The following MYZAP variants were observed in gnomAD, a reference collection of about 807,000 sequenced individuals.
MYZAP encodes myocardial zonula adherens protein, also known as GRINL1A complex locus upstream.
In MYZAP, 66 loss-of-function variants were observed where a neutral mutation model predicts 69.4. The observed-to-expected ratio is 0.95, with a 90% CI of 0.78 to 1.17. MYZAP has a LOEUF of 1.17. Ranked by LOEUF, MYZAP falls within the 50% of genes most tolerant of loss-of-function variation. The pLI is 0.00. For synonymous variants in MYZAP, 256 were observed against 205.9 expected (o/e 1.24, Z -2.09); for missense variants, 611 against 556.2 (o/e 1.10, Z -0.99).
rs145418100 is a variant in MYZAP, at chr15:57,650,153, G to A, written c.1119+10608G>A. ...AGCTTGTTTCTCTAATAGCATTGCC[G>A]TACTGATTTTTTTCACGTCGCTTTC... On this transcript the variant is annotated intron_variant, in intron 10 of 12. Coordinates refer to ENST00000267853, the MANE Select transcript of MYZAP (RefSeq NM_001018100.5). Among the ~76,000 whole-genome samples, 65 of 152,264 alleles carry A rather than the reference G, an allele frequency of 4.3e-4. 1 individual carries two copies. The East Asian group carries it at 7.5e-3, about 18-fold the overall frequency.
chr15:57,610,823 G>C (rs755604041), intron 2 of MYZAP, among the ~76,000 whole-genome samples: 24 of 152,108 alleles, frequency 1.6e-4, no homozygotes, highest in Non-Finnish European at 2.9e-4. Context: ...AATAGTGTCT[G>C]AAAACCCACT....
At chr15:57,641,130 G>A (rs2037131965) in intron 10 of MYZAP, among the ~76,000 whole-genome samples, 1 of 152,172 alleles carries the variant, frequency 6.6e-6, no homozygotes, top group Non-Finnish European at 1.5e-5. Flanking sequence ...CCACAGGGGG[G>A]TGTCTGTGTC....
At chr15:57,599,580 G>A (rs2034283092) in intron 1 of MYZAP, 2 of 1,287,130 alleles carry the variant, frequency 1.6e-6, no homozygotes, top group South Asian at 2.5e-5. Flanking sequence ...CAGCTGCTTT[G>A]GGAACCCCTG....
At chr15:57,672,404 A>C (rs1364898198) in intron 11 of MYZAP, among the ~76,000 whole-genome samples, 1 of 152,214 alleles carries the variant, frequency 6.6e-6, no homozygotes, top group Admixed American at 6.5e-5. Context: ...CCTCATCTCC[A>C]AAACTTGCCT....
Position 57,591,913 on chromosome 15 carries a change from G to A in MYZAP, c.-122G>A, listed in dbSNP as rs1485744397. The A allele has an allele frequency of 4.0e-5, 39 of 966,802 alleles. No homozygotes were observed. Among genetic ancestry groups the A allele is most frequent in the Middle Eastern group, 8.1e-4 (2 of 2,460 alleles). The allele number at this position is 966,802 out of a possible 1,614,324, so 59.9% of individuals were successfully genotyped here. Reference sequence around the variant, plus strand: ...GGCCCCACCCCCGGGCCTTCGCGGTGCAGCTGAGGCTGCAAGTAGCCGGCG... The same window carrying A: ...GGCCCCACCCCCGGGCCTTCGCGGTACAGCTGAGGCTGCAAGTAGCCGGCG... On this transcript the variant is annotated 5_prime_UTR_variant, in exon 1 of 13. Transcript: ENST00000267853.
At chr15:57,657,983 A>G (rs2038087648) in intron 10 of MYZAP, among the ~76,000 whole-genome samples, 1 of 152,174 alleles carries the variant, frequency 6.6e-6, no homozygotes, top group Admixed American at 6.5e-5. Flanking sequence ...TTAATTGGTG[A>G]TGTCTTTAAC....
intron 10 of MYZAP, among the ~76,000 whole-genome samples, chr15:57,657,020 T>C (rs1050865009): frequency 6.6e-6 from 1 of 152,104 alleles, no homozygotes; most frequent in African/African-American, 2.4e-5. Context: ...TCTATAGCAC[T>C]CTCTCTAGGT....
At chr15:57,637,051 G>T (rs906782599) in intron 8 of MYZAP, among the ~76,000 whole-genome samples, 4 of 152,188 alleles carry the variant, frequency 2.6e-5, no homozygotes, top group African/African-American at 9.6e-5. Context: ...CAGTAGCAGA[G>T]CATCTTCCAG....
intron 2 of MYZAP, among the ~76,000 whole-genome samples, chr15:57,610,677 A>G (rs2451181): frequency 2.4e-4 from 37 of 152,266 alleles, no homozygotes; most frequent in African/African-American, 8.4e-4. Context: ...ACGTTGATAA[A>G]TGTGGAAGTT....
chr15:57,668,612 T>A lies in MYZAP; in HGVS notation c.1204-6356T>A, dbSNP rs572771460. Among the ~76,000 whole-genome samples the A allele has an allele frequency of 2.6e-5, 4 of 152,284 alleles. No individual in the cohort carries two copies. In the South Asian group the frequency reaches 8.3e-4, roughly 32 times the overall value. The stretch of plus-strand genomic sequence containing the variant: ...CATGTGGTTTTAATGTGCATTTCCT[T>A]GTCAACTGGTGATGCTGAGCATCTT... On this transcript the variant is annotated intron_variant, in intron 11 of 12. Coordinates refer to ENST00000267853, the MANE Select transcript of MYZAP (RefSeq NM_001018100.5).
intron 10 of MYZAP, chr15:57,648,245 A>G (rs1331330549): frequency 1.0e-6 from 1 of 985,268 alleles, no homozygotes; most frequent in African/African-American, 1.7e-5. Flanking sequence ...TCATTCTATG[A>G]CAGGTATTGG....
chr15:57,617,258 C>T (rs1318176791), intron 2 of MYZAP, among the ~76,000 whole-genome samples: 1 of 152,134 alleles, frequency 6.6e-6, no homozygotes, highest in Non-Finnish European at 1.5e-5. Context: ...TGGTTGTGAA[C>T]ATTAAATGTG....
chr15:57,648,366 G>A (rs2037556867), intron 10 of MYZAP: 3 of 985,364 alleles, frequency 3.0e-6, no homozygotes, highest in Non-Finnish European at 3.6e-6. Context: ...ACTTTGAACT[G>A]TTTCTCAGAC....
chr15:57,592,241 C>T (rs2033724353), intron 1 of MYZAP, 132 bp downstream of exon 1: 2 of 811,466 alleles, frequency 2.5e-6, no homozygotes, highest in Non-Finnish European at 3.3e-6. Context: ...CTCAACTCCC[C>T]GGTCCTGTGC....
intron 4 of MYZAP, 151 bp from the exon 5 acceptor site, chr15:57,625,628 T>C (rs2036084584): frequency 1.4e-6 from 1 of 705,226 alleles, no homozygotes; most frequent in East Asian, 2.7e-5. Context: ...TCTCTCTGGA[T>C]CATGCAGATG....
At chr15:57,657,057 T>G (rs1031113725) in intron 10 of MYZAP, among the ~76,000 whole-genome samples, 2 of 152,162 alleles carry the variant, frequency 1.3e-5, no homozygotes, top group Non-Finnish European at 2.9e-5. Context: ...ACTGATTTAT[T>G]TTTTAAACTA....
intron 8 of MYZAP, 23 bp from the exon 9 acceptor site, chr15:57,637,672 A>G: frequency 6.2e-7 from 1 of 1,608,586 alleles, no homozygotes; most frequent in Non-Finnish European, 8.5e-7. Context: ...ATTGATTAAA[A>G]TATCAGTTTC....
intron 10 of MYZAP, chr15:57,647,305 A>G: frequency 1.0e-6 from 1 of 985,390 alleles, no homozygotes; most frequent in South Asian, 4.7e-5. Context: ...AGATCCCCAG[A>G]TACGATGCTG....
At chr15:57,668,412 C>CA (rs569276152) in intron 11 of MYZAP, among the ~76,000 whole-genome samples, 18 of 152,246 alleles carry the variant, frequency 1.2e-4, no homozygotes, top group Non-Finnish European at 2.5e-4. Flanking sequence ...TTGAGTGTAC[C>CA]AGTGTCTCCA....
Sources: allele counts gnomAD v4.1 joint callset (sites outside exome capture counted in the v4.1 genomes callset), GRCh38; gene constraint gnomAD v4.1.1; transcripts MANE v1.5; gene names NCBI Gene and HGNC (gene_info 2026-07-23, HGNC 2026-07-21).